TRAPPC8: variants seen among roughly 807,000 people sequenced by gnomAD.
The protein encoded by TRAPPC8 is trafficking protein particle complex subunit 8.
Under a neutral mutation model 174.3 loss-of-function variants are expected in TRAPPC8, and 54 were observed. The observed-to-expected ratio is 0.31, with a 90% CI of 0.25 to 0.39. The LOEUF is 0.39. Ranked by LOEUF, TRAPPC8 falls within the 10% of genes least tolerant of loss-of-function variation. TRAPPC8 has a pLI of 1.00. For missense variants in TRAPPC8, 1,531 were observed against 1,699.1 expected, an observed-to-expected ratio of 0.90 and a Z score of 1.74; for synonymous variants, 630 against 579.9, an observed-to-expected ratio of 1.09 and a Z score of -1.24.
chr18:31,876,489 C>CAAA lies in TRAPPC8; in HGVS notation c.1729-1788_1729-1786dup, dbSNP rs71175801. ...TGGGCTACACTGCGAGACTCCATCT[C>CAAA]AAAAAAAAAAAAAAAAAAAAAAAGA... On this transcript the variant is annotated intron_variant, in intron 12 of 28. Transcript: ENST00000283351. 3.4e-3 allele frequency among the ~76,000 whole-genome samples: 165 copies of CAAA among 48,680 alleles called. 11 individuals carry two copies. The highest frequency in any genetic ancestry group is 0.013 in the African/African-American group (142 of 10,616). The allele number at this position is 48,680 out of a possible 152,430, so 31.9% of individuals were successfully genotyped here.
At chr18:31,917,381 T>C (rs1464552185) in intron 3 of TRAPPC8, among the ~76,000 whole-genome samples, 197 bp downstream of exon 3, 1 of 150,992 alleles carries the variant, frequency 6.6e-6, no homozygotes, top group Non-Finnish European at 1.5e-5. Context: ...AAAACCAAAT[T>C]GATTAAAAAA....
At chr18:31,898,984 T>C (rs2036296504) in intron 10 of TRAPPC8, among the ~76,000 whole-genome samples, 1 of 152,196 alleles carries the variant, frequency 6.6e-6, no homozygotes, top group Admixed American at 6.5e-5. Context: ...GTATTTATTT[T>C]TGAAACACAA....
chr18:31,900,139 C>A (rs2036355709), intron 10 of TRAPPC8, among the ~76,000 whole-genome samples: 1 of 152,136 alleles, frequency 6.6e-6, no homozygotes, highest in Non-Finnish European at 1.5e-5. Context: ...AAGGCTGGGA[C>A]AGGAGAATCA....
At position 31,867,494 on chromosome 18, in the gene TRAPPC8, T is replaced by A; in HGVS notation, c.2389-18A>T. On this transcript the variant is annotated intron_variant, in intron 16 of 28. Transcript: ENST00000283351. ...CTTGTAACCTAAAAAATAAATTTCA[T>A]AAATTATACATTCCAATGAACAAAG... 1 of 1,514,966 alleles carries A rather than the reference T, an allele frequency of 6.6e-7. No individual in the cohort carries two copies. The highest frequency in any genetic ancestry group is 9.1e-7 in the Non-Finnish European group (1 of 1,095,160). 93.8% of individuals were successfully genotyped at this position (1,514,966 alleles called of 1,614,324 possible).
intron 1 of TRAPPC8, among the ~76,000 whole-genome samples, chr18:31,936,333 G>T (rs1391061753): frequency 6.6e-6 from 1 of 151,720 alleles, no homozygotes; most frequent in Non-Finnish European, 1.5e-5. Context: ...AATGTGTGAT[G>T]CAAACCTGTA....
intron 27 of TRAPPC8, 33 bp from the exon 28 acceptor site, chr18:31,832,206 A>AT: frequency 2.2e-6 from 3 of 1,374,572 alleles, no homozygotes; most frequent in Non-Finnish European, 9.6e-7. Context: ...AAAGTTATAT[A>AT]TTTTTTTCTT....
At chr18:31,877,367 C>T (rs2035208196) in intron 12 of TRAPPC8, among the ~76,000 whole-genome samples, 1 of 151,926 alleles carries the variant, frequency 6.6e-6, no homozygotes, top group Non-Finnish European at 1.5e-5. Context: ...AATCCCAGCA[C>T]TTTGGGAGGC....
At chr18:31,852,790 G>T in intron 22 of TRAPPC8, 127 bp from the exon 23 acceptor site, 3 of 787,842 alleles carry the variant, frequency 3.8e-6, no homozygotes, top group Non-Finnish European at 6.1e-6. Context: ...GTTTAATGAA[G>T]AACATCTTTG....
intron 1 of TRAPPC8, 21 bp downstream of exon 1, chr18:31,942,586 GA>G: frequency 2.0e-6 from 3 of 1,512,586 alleles, no homozygotes; most frequent in East Asian, 2.6e-5. Context: ...GAGCCCACTG[GA>G]AAAGGGAGGA....
intron 7 of TRAPPC8, 79 bp from the exon 8 acceptor site, chr18:31,908,497 AG>A: frequency 1.0e-6 from 1 of 992,316 alleles, no homozygotes; most frequent in Non-Finnish European, 1.4e-6. Flanking sequence ...TTAACTAAAA[AG>A]CTTTAATAGC....
intron 1 of TRAPPC8, among the ~76,000 whole-genome samples, chr18:31,936,678 G>C (rs542426827): frequency 1.3e-5 from 2 of 151,898 alleles, no homozygotes; most frequent in Non-Finnish European, 2.9e-5. Flanking sequence ...AAGGCGGGTG[G>C]ATCACTTGAG....
At position 31,909,736 on chromosome 18, in the gene TRAPPC8, T is replaced by A; in HGVS notation, c.796A>T (p.Thr266Ser). The A allele has an allele frequency of 6.3e-6, 10 of 1,596,474 alleles. No homozygotes were observed. Among genetic ancestry groups the A allele is most frequent in the Non-Finnish European group, 8.5e-6 (10 of 1,174,278 alleles). ...TCAGAATTCTTATTTGAAGTTATAG[T>A]ACAAGGGCCATCTTCATATGATTCC... ...NQESYEDGPCTITSNKNSDNN... is the reference protein window; with the variant it reads ...NQESYEDGPCSITSNKNSDNN... Residue 266 changes from threonine to serine, a missense_variant, in exon 6 of 29, where the codon ACT becomes TCT. Coordinates refer to ENST00000283351, the MANE Select transcript of TRAPPC8 (RefSeq NM_014939.5).
intron 12 of TRAPPC8, among the ~76,000 whole-genome samples, chr18:31,875,910 G>A (rs985988941): frequency 1.3e-5 from 2 of 152,174 alleles, no homozygotes; most frequent in African/African-American, 4.8e-5. Context: ...CCAAAGGCCA[G>A]GGAGAGTGGG....
At chr18:31,875,516 C>G (rs1027066870) in intron 12 of TRAPPC8, among the ~76,000 whole-genome samples, 3 of 152,130 alleles carry the variant, frequency 2.0e-5, no homozygotes, top group African/African-American at 7.2e-5. Context: ...GCTAGGACAG[C>G]AGCACAGTAA....
At chr18:31,852,373 A>C in intron 24 of TRAPPC8, 73 bp downstream of exon 24, 1 of 1,563,360 alleles carries the variant, frequency 6.4e-7, no homozygotes, top group Non-Finnish European at 8.7e-7. Flanking sequence ...TACTGCGATA[A>C]GCCTTGCCAA....
chr18:31,899,304 T>C (rs754384038), intron 10 of TRAPPC8, among the ~76,000 whole-genome samples: 16 of 152,220 alleles, frequency 1.1e-4, no homozygotes, highest in Non-Finnish European at 2.4e-4. Context: ...AGGATAACAA[T>C]AGCATTCACG....
At chr18:31,869,115 T>C (rs1469068235) in intron 16 of TRAPPC8, among the ~76,000 whole-genome samples, 2 of 152,124 alleles carry the variant, frequency 1.3e-5, no homozygotes, top group African/African-American at 4.8e-5. Flanking sequence ...AATATATCTA[T>C]TTGTCCAAGT....
intron 1 of TRAPPC8, among the ~76,000 whole-genome samples, chr18:31,933,693 T>C (rs538060352): frequency 4.6e-5 from 7 of 152,222 alleles, no homozygotes; most frequent in African/African-American, 1.7e-4. Flanking sequence ...TTCTTCTCAA[T>C]GGAAAATGCC....
At chr18:31,912,912 G>C (rs1001645473) in intron 5 of TRAPPC8, among the ~76,000 whole-genome samples, 2 of 152,132 alleles carry the variant, frequency 1.3e-5, no homozygotes, top group Admixed American at 6.5e-5. Context: ...CAGATCACTT[G>C]AGGTCAGGAG....
Sources: gnomAD v4.1 joint callset for allele counts (sites outside exome capture counted in the v4.1 genomes callset) on GRCh38, gnomAD v4.1.1 for gene constraint, MANE v1.5 for transcripts, NCBI Gene and HGNC (gene_info 2026-07-23, HGNC 2026-07-21) for gene names.